TTBK2: variants seen among roughly 807,000 people sequenced by gnomAD.
TTBK2 encodes tau tubulin kinase 2.
TTBK2 carries 28 observed loss-of-function variants against 110.8 expected under a neutral mutation model. That is an observed-to-expected ratio of 0.25 (90% CI 0.19 to 0.35). The LOEUF is 0.35. TTBK2 is among the 10% of genes least tolerant of loss of function. TTBK2 has a pLI of 1.00. For synonymous variants in TTBK2, 532 were observed against 527.3 expected, an observed-to-expected ratio of 1.01 and a Z score of -0.12; for missense variants, 1,369 against 1,500.3, an observed-to-expected ratio of 0.91 and a Z score of 1.45.
chr15:42,813,410 T>G (rs1891805608), intron 7 of TTBK2, among the ~76,000 whole-genome samples: 1 of 151,856 alleles, frequency 6.6e-6, no homozygotes, highest in African/African-American at 2.4e-5. Flanking sequence ...TGGTCCCAGC[T>G]ATGCAGGAGG....
At chr15:42,812,786 A>G (rs191531723) in intron 7 of TTBK2, among the ~76,000 whole-genome samples, 2 of 152,286 alleles carry the variant, frequency 1.3e-5, no homozygotes, top group Admixed American at 6.5e-5. Context: ...AAACCCAACC[A>G]GATTTGGAAA....
chr15:42,904,829 C>T (rs559608711), intron 1 of TTBK2, among the ~76,000 whole-genome samples: 1 of 151,866 alleles, frequency 6.6e-6, no homozygotes, highest in African/African-American at 2.4e-5. Flanking sequence ...AGATATTTGG[C>T]GAAGTTAATT....
At chr15:42,862,014 C>A (rs757784708) in intron 3 of TTBK2, among the ~76,000 whole-genome samples, 1 of 152,114 alleles carries the variant, frequency 6.6e-6, no homozygotes, top group Non-Finnish European at 1.5e-5. Flanking sequence ...TGGAAACACA[C>A]AAACTCCTAA....
At chr15:42,779,008 A>C (rs1035659471) in intron 11 of TTBK2, among the ~76,000 whole-genome samples, 1 of 152,246 alleles carries the variant, frequency 6.6e-6, no homozygotes, top group Non-Finnish European at 1.5e-5. Flanking sequence ...GGAAGGAAAG[A>C]TGAAGGTGGG....
rs58536399 is a variant in TTBK2 at position 42,789,854 on chromosome 15, T to TAC, written c.980+4788_980+4789dup. Among the ~76,000 whole-genome samples, 835 of 147,914 alleles carry TAC rather than the reference T, an allele frequency of 5.6e-3. 22 individuals carry two copies. In the East Asian group the frequency reaches 0.083, roughly 15 times the overall value. On this transcript the variant is annotated intron_variant, in intron 10 of 14. Transcript: ENST00000267890. The stretch of plus-strand genomic sequence containing the variant: ...CATATATATATACAAATACATACAA[T>TAC]ACACACACACACACACACACACATA...
At chr15:42,778,241 G>A in intron 11 of TTBK2, among the ~76,000 whole-genome samples, 1 of 134,050 alleles carries the variant, frequency 7.5e-6, no homozygotes, top group East Asian at 2.2e-4. Context: ...TTAAATGATT[G>A]ATTAACTTAA....
intron 9 of TTBK2, chr15:42,800,366 C>T (rs551620391): frequency 2.5e-6 from 1 of 396,718 alleles, no homozygotes; most frequent in South Asian, 1.9e-5. Context: ...ATCTGACATA[C>T]ACACAATGCC....
intron 13 of TTBK2, among the ~76,000 whole-genome samples, chr15:42,773,059 T>C (rs1299668885): frequency 6.6e-6 from 1 of 152,084 alleles, no homozygotes; most frequent in Non-Finnish European, 1.5e-5. Flanking sequence ...CAAAATTAGC[T>C]GGGTGTGGTG....
chr15:42,908,564 T>C (rs561637789), intron 1 of TTBK2, among the ~76,000 whole-genome samples: 48 of 152,328 alleles, frequency 3.2e-4, no homozygotes, highest in Admixed American at 1.4e-3. Flanking sequence ...TCATAGTTAA[T>C]ATCAAAGAAG....
rs11853250 is a variant in TTBK2, at chr15:42,810,395, C to T, written c.822+219G>A. Among the ~76,000 whole-genome samples the T allele has an allele frequency of 0.14, 20,732 of 152,118 alleles. 1,700 individuals are homozygous for T. Among genetic ancestry groups the T allele is most frequent in the Admixed American group, 0.23 (3,510 of 15,280 alleles). Reference sequence around the variant, plus strand: ...TGTTGCAAGATGAATAAACCTAAAACTCGAATGAAGTTAAGTCCATCCAGA... The same window carrying T: ...TGTTGCAAGATGAATAAACCTAAAATTCGAATGAAGTTAAGTCCATCCAGA... On this transcript the variant is annotated intron_variant, in intron 9 of 14. Coordinates refer to ENST00000267890, the MANE Select transcript of TTBK2 (RefSeq NM_173500.4).
chr15:42,752,760 T>C lies in TTBK2; in HGVS notation c.2486A>G (p.Gln829Arg), dbSNP rs764259278. Residue 829 changes from glutamine to arginine, a missense_variant, in exon 14 of 15, where the codon CAG becomes CGG. Gln to Arg is a conservative substitution (Grantham distance 43). Coordinates refer to ENST00000267890, the MANE Select transcript of TTBK2 (RefSeq NM_173500.4). ...TTEPLDVTKT[Q>R]TFSVVPNQDK... is the part of the protein sequence containing the mutation. ...TTGATTTGGCACCACACTAAAAGTC[T>C]GTGTTTTTGTCACATCAAGAGGTTC... is the stretch of plus-strand genomic sequence containing the variant. The C allele has an allele frequency of 6.2e-7, 1 of 1,614,236 alleles. No homozygotes were observed. The highest frequency in any genetic ancestry group is 8.5e-7 in the Non-Finnish European group (1 of 1,180,042).
At chr15:42,816,183 C>G (rs1372980039) in intron 7 of TTBK2, among the ~76,000 whole-genome samples, 1 of 140,796 alleles carries the variant, frequency 7.1e-6, no homozygotes, top group Non-Finnish European at 1.5e-5. Flanking sequence ...GTGGTGCGAT[C>G]TCAGCTTACC....
At chr15:42,780,055 C>T (rs1307641335) in intron 11 of TTBK2, among the ~76,000 whole-genome samples, 2 of 151,610 alleles carry the variant, frequency 1.3e-5, no homozygotes. Flanking sequence ...CAGAGTCTCA[C>T]TCTGTCACCT....
Position 42,752,001 on chromosome 15 carries a change from G to A in TTBK2, c.3245C>T (p.Pro1082Leu). The A allele has an allele frequency of 6.2e-7, 1 of 1,614,190 alleles. No individual in the cohort carries two copies. The highest frequency in any genetic ancestry group is 8.5e-7 in the Non-Finnish European group (1 of 1,180,030). The change falls in exon 14 of 15, where the codon CCA (proline) becomes CTA (leucine). Residue 1082 changes from proline to leucine, a missense_variant. Coordinates refer to ENST00000267890, the MANE Select transcript of TTBK2 (RefSeq NM_173500.4). ...QFFPRPPPGKPPTRPGVEARL... is the reference protein window; with the variant it reads ...QFFPRPPPGKLPTRPGVEARL... ...GGCTTCTACTCCAGGCCTCGTGGGT[G>A]GCTTTCCTGGTGGTGGCCGAGGAAA...
intron 4 of TTBK2, 131 bp downstream of exon 4, chr15:42,840,229 G>T: frequency 1.2e-6 from 1 of 846,796 alleles, no homozygotes; most frequent in Non-Finnish European, 2.0e-6. Context: ...TTTAAATACA[G>T]TTCCATCTGC....
intron 9 of TTBK2, among the ~76,000 whole-genome samples, chr15:42,799,828 C>A (rs919477235): frequency 9.9e-5 from 15 of 152,072 alleles, no homozygotes; most frequent in African/African-American, 3.6e-4. Flanking sequence ...CATTTTAAAT[C>A]TGATGGGATA....
At chr15:42,897,823 T>TAC (rs60880098) in intron 1 of TTBK2, among the ~76,000 whole-genome samples, 7,924 of 140,680 alleles carry the variant, frequency 0.056, 211 homozygotes, top group East Asian at 0.12. Flanking sequence ...CCAGTAGTGG[T>TAC]ACACACACAC....
chr15:42,840,525 G>C (rs1173324633), intron 3 of TTBK2, 92 bp from the exon 4 acceptor site: 3 of 1,133,920 alleles, frequency 2.6e-6, no homozygotes, highest in East Asian at 2.4e-5. Context: ...TTTTATGATT[G>C]AATATAAAAT....
chr15:42,862,561 C>T (rs1894200389), intron 3 of TTBK2, among the ~76,000 whole-genome samples: 1 of 152,092 alleles, frequency 6.6e-6, no homozygotes. Flanking sequence ...ATACCCTCAA[C>T]AGACTAGGCA....
Sources: gnomAD v4.1 joint callset for allele counts (sites outside exome capture counted in the v4.1 genomes callset) on GRCh38, gnomAD v4.1.1 for gene constraint, MANE v1.5 for transcripts, NCBI Gene and HGNC (gene_info 2026-07-23, HGNC 2026-07-21) for gene names.